Variants in RCAN2 observed in about 807,000 individuals in gnomAD.
RCAN2 encodes calcipressin-2.
RCAN2 carries 9 observed loss-of-function variants against 23.6 expected under a neutral mutation model. The ratio of observed to expected loss-of-function variants is 0.38; its 90% CI spans 0.23 to 0.67. The LOEUF is 0.67. Ranked by LOEUF, RCAN2 falls within the 30% of genes least tolerant of loss-of-function variation. RCAN2 has a pLI of 0.51. For missense variants in RCAN2, 273 were observed against 302.3 expected (o/e 0.90, Z 0.72); for synonymous variants, 109 against 115.7 (o/e 0.94, Z 0.37).
At chr6:46,438,329 T>C (rs1767430735) in intron 2 of RCAN2, 1 of 152,164 alleles carries the variant, frequency 6.6e-6, no homozygotes, top group African/African-American at 2.4e-5. Context: ...TGCTATCCCA[T>C]GGCCATAGGA....
At chr6:46,346,834 C>A (rs1364594873) in intron 2 of RCAN2, among the ~76,000 whole-genome samples, 6 of 151,670 alleles carry the variant, frequency 4.0e-5, no homozygotes, top group Non-Finnish European at 8.8e-5. Flanking sequence ...GGAGAAAAAT[C>A]TAACCAGTTT....
rs140251684 is a variant in RCAN2 at position 46,284,136 on chromosome 6, G to A, written c.226-35240C>T. Among the ~76,000 whole-genome samples the A allele has an allele frequency of 7.1e-3, 1,077 of 152,234 alleles. 14 individuals are homozygous for A. The highest frequency in any genetic ancestry group is 0.024 in the African/African-American group (1,009 of 41,542). On this transcript the variant is annotated intron_variant, in intron 2 of 4. Transcript: ENST00000371374. ...AATAGCTTGAACAGTTGCCCTAAAG[G>A]ATAAAGCGATAGAGTTAATGTGGGC...
chr6:46,335,075 A>T (rs1764097364), intron 2 of RCAN2, among the ~76,000 whole-genome samples: 1 of 152,178 alleles, frequency 6.6e-6, no homozygotes, highest in Admixed American at 6.5e-5. Flanking sequence ...ATGTGTCTGA[A>T]GGAGGCCCTT....
intron 2 of RCAN2, among the ~76,000 whole-genome samples, chr6:46,357,972 A>C (rs1367716042): frequency 6.6e-6 from 1 of 152,202 alleles, no homozygotes; most frequent in Non-Finnish European, 1.5e-5. Flanking sequence ...CAGAGGATAC[A>C]CTGGCTTAAT....
At chr6:46,387,655 G>A (rs1765796897) in intron 2 of RCAN2, among the ~76,000 whole-genome samples, 2 of 152,136 alleles carry the variant, frequency 1.3e-5, no homozygotes. Flanking sequence ...ACTGTTGATG[G>A]GACTGTAAAC....
chr6:46,227,416 G>C (rs924646706), intron 4 of RCAN2, among the ~76,000 whole-genome samples: 2 of 152,074 alleles, frequency 1.3e-5, no homozygotes, highest in African/African-American at 4.8e-5. Flanking sequence ...ATCTGGTTCT[G>C]GACTTTTTTT....
chr6:46,418,620 G>A (rs1430819671), intron 2 of RCAN2, among the ~76,000 whole-genome samples: 1 of 150,900 alleles, frequency 6.6e-6, no homozygotes, highest in Non-Finnish European at 1.5e-5. Flanking sequence ...CATCCACTCT[G>A]GGGGAGTGGC....
intron 4 of RCAN2, among the ~76,000 whole-genome samples, chr6:46,239,444 C>T (rs1313720358): frequency 2.0e-5 from 3 of 152,196 alleles, no homozygotes; most frequent in African/African-American, 7.2e-5. Context: ...TCCAGGTCTG[C>T]TGAGCGACCA....
chr6:46,489,851 T>A (rs1769092824), intron 1 of RCAN2, among the ~76,000 whole-genome samples: 1 of 152,236 alleles, frequency 6.6e-6, no homozygotes. Context: ...CATTTTAGAC[T>A]AATTGAACTC....
chr6:46,482,675 T>G (rs768735614), intron 1 of RCAN2, among the ~76,000 whole-genome samples: 4 of 152,194 alleles, frequency 2.6e-5, no homozygotes, highest in Non-Finnish European at 5.9e-5. Context: ...ATTTCTAGTT[T>G]TACTCAGATA....
At chr6:46,267,960 T>C (rs1767394162) in intron 2 of RCAN2, among the ~76,000 whole-genome samples, 1 of 151,846 alleles carries the variant, frequency 6.6e-6, no homozygotes, top group Non-Finnish European at 1.5e-5. Context: ...AAAAGGCAAA[T>C]TTATAAAATA....
At chr6:46,456,686 C>A (rs977495907) in intron 2 of RCAN2, 66 bp downstream of exon 2, 16 of 1,215,712 alleles carry the variant, frequency 1.3e-5, no homozygotes, top group Admixed American at 8.2e-5. Context: ...CACAAATGAA[C>A]AACAGGATTA....
chr6:46,358,341 C>CTGGG (rs1764903567), intron 2 of RCAN2, among the ~76,000 whole-genome samples: 1 of 152,186 alleles, frequency 6.6e-6, no homozygotes, highest in South Asian at 2.1e-4. Context: ...CAGGGCTTCC[C>CTGGG]TGGGACAGCT....
intron 4 of RCAN2, among the ~76,000 whole-genome samples, chr6:46,238,513 T>C (rs1240740514): frequency 2.0e-5 from 3 of 152,146 alleles, no homozygotes; most frequent in African/African-American, 4.8e-5. Context: ...AGCTTTCACA[T>C]TGAGCAGCAC....
chr6:46,343,354 G>A (rs181199647), intron 2 of RCAN2, among the ~76,000 whole-genome samples: 7 of 151,198 alleles, frequency 4.6e-5, no homozygotes, highest in Admixed American at 4.6e-4. Context: ...ATGTAAAATG[G>A]TATAGCCACT....
chr6:46,406,042 C>T (rs1483730214), intron 2 of RCAN2, among the ~76,000 whole-genome samples: 7 of 152,238 alleles, frequency 4.6e-5, no homozygotes, highest in African/African-American at 1.7e-4. Flanking sequence ...GGCAGCAGGG[C>T]CGGCCGGCTG....
intron 2 of RCAN2, among the ~76,000 whole-genome samples, chr6:46,330,184 C>G (rs543720097): frequency 6.6e-6 from 1 of 152,346 alleles, no homozygotes; most frequent in African/African-American, 2.4e-5. Context: ...TTCCTCTCTG[C>G]TAGTCACTCT....
chr6:46,312,226 C>G (rs183093989), intron 2 of RCAN2, among the ~76,000 whole-genome samples: 1 of 152,162 alleles, frequency 6.6e-6, no homozygotes, highest in Non-Finnish European at 1.5e-5. Context: ...TTTCTTTCTC[C>G]TAGCGTGGTA....
chr6:46,247,010 T>C, intron 3 of RCAN2, 91 bp from the exon 4 acceptor site: 1 of 1,110,704 alleles, frequency 9.0e-7, no homozygotes, highest in Non-Finnish European at 1.3e-6. Context: ...AGTTTCAGCC[T>C]GCGACAAATG....
Sources: allele counts gnomAD v4.1 joint callset (sites outside exome capture counted in the v4.1 genomes callset), GRCh38; gene constraint gnomAD v4.1.1; transcripts MANE v1.5; gene names NCBI Gene and HGNC (gene_info 2026-07-23, HGNC 2026-07-21).